The following KCNH8 variants were observed in gnomAD, a reference collection of about 807,000 sequenced individuals.
KCNH8 encodes the protein potassium voltage-gated channel subfamily H member 8.
A neutral mutation model predicts 103.6 loss-of-function variants in KCNH8; 70 were observed. The ratio of observed to expected loss-of-function variants is 0.68; its 90% confidence interval spans 0.56 to 0.82. The LOEUF (loss-of-function observed/expected upper bound fraction) is 0.82, where lower values mean the gene tolerates loss of function less well. Among genes scored for constraint, KCNH8 ranks in the 40% least tolerant of loss-of-function variants. The probability of loss-of-function intolerance (pLI) is 0.00; values close to 1 mark genes in which losing one functional copy is unlikely to be tolerated. For missense variants in KCNH8, 1,217 were observed against 1,329.9 expected, an observed-to-expected ratio of 0.92 and a Z score of 1.32; for synonymous variants, 498 against 489.4, an observed-to-expected ratio of 1.02 and a Z score of -0.23.
At chr3:19,437,245 G>C (rs979587652) in intron 7 of KCNH8, among the ~76,000 whole-genome samples, 4 of 151,978 alleles carry the variant, frequency 2.6e-5, no homozygotes. Flanking sequence ...CACACACATA[G>C]AGAAAGAATT....
intron 2 of KCNH8, among the ~76,000 whole-genome samples, chr3:19,261,246 C>A (rs1012117166): frequency 6.6e-6 from 1 of 151,510 alleles, no homozygotes; most frequent in African/African-American, 2.4e-5. Context: ...TTTCTCTGCA[C>A]CCCTGCCAAC....
chr3:19,196,336 C>G (rs1375931386), intron 1 of KCNH8, among the ~76,000 whole-genome samples: 4 of 151,934 alleles, frequency 2.6e-5, no homozygotes, highest in Admixed American at 6.6e-5. Context: ...GGAAAAGTGA[C>G]ATCTAATCCC....
intron 7 of KCNH8, among the ~76,000 whole-genome samples, chr3:19,403,194 T>G (rs150785258): frequency 4.9e-4 from 74 of 151,484 alleles, no homozygotes; most frequent in African/African-American, 1.7e-3. Context: ...AGTATCCAAG[T>G]GTACCTTGCC....
chr3:19,343,298 C>A (rs530526286), intron 4 of KCNH8, among the ~76,000 whole-genome samples: 4 of 152,122 alleles, frequency 2.6e-5, no homozygotes, highest in African/African-American at 4.8e-5. Context: ...GAGTTGCTTT[C>A]TGAAATATGG....
At chr3:19,232,564 T>C (rs1487741251) in intron 1 of KCNH8, among the ~76,000 whole-genome samples, 1 of 152,192 alleles carries the variant, frequency 6.6e-6, no homozygotes, top group Non-Finnish European at 1.5e-5. Context: ...TAGAAAAAGG[T>C]ACTCCTGGTG....
chr3:19,229,719 G>GC (rs1312879572), intron 1 of KCNH8, among the ~76,000 whole-genome samples: 5 of 152,136 alleles, frequency 3.3e-5, no homozygotes, highest in Non-Finnish European at 7.3e-5. Flanking sequence ...GGACCTTATT[G>GC]TTCATATCAC....
chr3:19,344,606 G>A (rs2065705210), intron 4 of KCNH8, among the ~76,000 whole-genome samples: 2 of 152,114 alleles, frequency 1.3e-5, no homozygotes, highest in South Asian at 2.1e-4. Context: ...CCCTGTTCAC[G>A]TGTTCACCAT....
chr3:19,389,520 G>T (rs575323569), intron 5 of KCNH8, among the ~76,000 whole-genome samples: 1 of 152,010 alleles, frequency 6.6e-6, no homozygotes, highest in Non-Finnish European at 1.5e-5. Context: ...GTGCCTTCAG[G>T]GCAGGGCTGA....
intron 5 of KCNH8, among the ~76,000 whole-genome samples, chr3:19,377,695 GA>G (rs1280619750): frequency 6.6e-6 from 1 of 152,164 alleles, no homozygotes; most frequent in Non-Finnish European, 1.5e-5. Context: ...ACTGGGCATT[GA>G]AAAAGAAAAA....
chr3:19,313,515 A>G (rs1406198193), intron 3 of KCNH8, among the ~76,000 whole-genome samples: 2 of 151,918 alleles, frequency 1.3e-5, no homozygotes, highest in Non-Finnish European at 2.9e-5. Flanking sequence ...ACACAGAACC[A>G]TACTTACAGA....
intron 11 of KCNH8, among the ~76,000 whole-genome samples, chr3:19,485,581 C>T (rs1205049616): frequency 6.6e-6 from 1 of 152,188 alleles, no homozygotes; most frequent in African/African-American, 2.4e-5. Flanking sequence ...AGCTACCTTC[C>T]TATCTGGCAG....
chr3:19,464,312 T>C (rs1292749411), intron 11 of KCNH8, among the ~76,000 whole-genome samples: 2 of 152,170 alleles, frequency 1.3e-5, no homozygotes, highest in African/African-American at 4.8e-5. Flanking sequence ...TTAATGATGA[T>C]GTATTAACTT....
intron 3 of KCNH8, among the ~76,000 whole-genome samples, chr3:19,336,311 ATAAAAAATTATACAAAAAT>A (rs2065584477): frequency 6.6e-6 from 1 of 151,752 alleles, no homozygotes; most frequent in Non-Finnish European, 1.5e-5. Flanking sequence ...TTCTCTTAAT[ATAAAAAATTATACAAAAAT>A]TTAGTAAATC....
intron 1 of KCNH8, among the ~76,000 whole-genome samples, chr3:19,231,037 T>C (rs1360006034): frequency 2.6e-5 from 4 of 152,182 alleles, no homozygotes; most frequent in Admixed American, 2.6e-4. Flanking sequence ...CTATATCCAA[T>C]TATGTTACTA....
chr3:19,504,387 A>G (rs750175298), intron 11 of KCNH8, among the ~76,000 whole-genome samples: 3 of 152,098 alleles, frequency 2.0e-5, no homozygotes, highest in Non-Finnish European at 4.4e-5. Flanking sequence ...GACACTATCA[A>G]CAAACAGCCT....
intron 2 of KCNH8, among the ~76,000 whole-genome samples, chr3:19,255,373 A>G (rs893525988): frequency 9.9e-5 from 15 of 152,168 alleles, no homozygotes; most frequent in African/African-American, 3.1e-4. Context: ...GGCTGAGACA[A>G]TGGGGTTTTC....
intron 1 of KCNH8, among the ~76,000 whole-genome samples, chr3:19,226,393 A>G (rs1434206921): frequency 6.6e-6 from 1 of 152,202 alleles, no homozygotes; most frequent in Non-Finnish European, 1.5e-5. Context: ...TGCCTTGAAC[A>G]TTACAAGGGC....
chr3:19,502,943 A>C (rs36141010), intron 11 of KCNH8, among the ~76,000 whole-genome samples: 19,424 of 152,002 alleles, frequency 0.13, 1,622 homozygotes, highest in Middle Eastern at 0.25. Context: ...TAACTAAACT[A>C]AAGAGCTTCT....
Position 19,191,309 on chromosome 3 carries a change from C to T in KCNH8, c.76+42514C>T, listed in dbSNP as rs1003668943. ...AGTTGTGTGAGAACATCCATTTCCC[C>T]GTAAGCTTGTCAGCGTTGTATTTTA... is the stretch of plus-strand genomic sequence containing the variant. On this transcript the variant is annotated intron_variant, in intron 1 of 15. Coordinates refer to ENST00000328405, the MANE Select transcript of KCNH8 (RefSeq NM_144633.3). Among the ~76,000 whole-genome samples, 15 of 151,802 alleles carry T rather than the reference C, an allele frequency of 9.9e-5. 1 individual carries two copies. Among genetic ancestry groups the T allele is most frequent in the African/African-American group, 2.2e-4 (9 of 41,484 alleles).
Sources: gnomAD v4.1 joint callset for allele counts (sites outside exome capture counted in the v4.1 genomes callset) on GRCh38, gnomAD v4.1.1 for gene constraint, MANE v1.5 for transcripts, NCBI Gene and HGNC (gene_info 2026-07-23, HGNC 2026-07-21) for gene names.